The following NCOA3 variants were observed in gnomAD, a reference collection of about 807,000 sequenced individuals.
NCOA3 encodes nuclear receptor coactivator 3.
A neutral mutation model predicts 158.8 loss-of-function variants in NCOA3; 51 were observed. The observed-to-expected ratio is 0.32, with a 90% CI of 0.26 to 0.41. NCOA3 has a LOEUF of 0.41. Ranked by LOEUF, NCOA3 falls within the 10% of genes least tolerant of loss-of-function variation. The pLI, the probability that NCOA3 is intolerant of heterozygous loss-of-function variation, is 1.00. For synonymous variants in NCOA3, 537 were observed against 592.4 expected, an observed-to-expected ratio of 0.91 and a Z score of 1.36; for missense variants, 1,510 against 1,746.6, an observed-to-expected ratio of 0.86 and a Z score of 2.41.
Position 47,543,921 on chromosome 20 carries a change from G to C in NCOA3, c.-98-39262G>C, listed in dbSNP as rs533167016. ...TTACTAGTATTTAAAATAACAAGTT[G>C]GTTTACTAGTATTCTCCTGTGGTAA... On this transcript the variant is annotated intron_variant, in intron 1 of 22. Transcript: ENST00000371998. Among the ~76,000 whole-genome samples the C allele has an allele frequency of 5.3e-5, 8 of 152,008 alleles. No homozygotes were observed. In the East Asian group the frequency reaches 1.5e-3, roughly 29 times the overall value.
chr20:47,557,092 T>C (rs543912760), intron 1 of NCOA3, among the ~76,000 whole-genome samples: 2 of 152,290 alleles, frequency 1.3e-5, no homozygotes, highest in South Asian at 4.1e-4. Context: ...ACATCCTTTT[T>C]CTCCCATCTT....
chr20:47,530,274 T>C (rs569863354), intron 1 of NCOA3, among the ~76,000 whole-genome samples: 2 of 152,318 alleles, frequency 1.3e-5, no homozygotes, highest in South Asian at 2.1e-4. Flanking sequence ...TGAGAAGATA[T>C]ATAATCATCC....
Position 47,640,026 on chromosome 20 carries a change from C to G in NCOA3, c.3055C>G (p.Gln1019Glu). 6.2e-7 allele frequency: 1 copy of G among 1,614,152 alleles called. No individual in the cohort carries two copies. Among genetic ancestry groups the G allele is most frequent in the Non-Finnish European group, 8.5e-7 (1 of 1,180,032 alleles). ...GCCCGATGGCATGTTGTCCATGGAA[C>G]AAGTTTCTCATGGCACTCAAAATAG... ...SWPDGMLSME[Q>E]VSHGTQNRPL... The change falls in exon 16 of 23, where the codon CAA becomes GAA. Residue 1019 changes from glutamine to glutamate, a missense_variant. Gln to Glu is a conservative substitution (Grantham distance 29, BLOSUM62 2). Coordinates refer to ENST00000371998, the MANE Select transcript of NCOA3 (RefSeq NM_181659.3).
intron 1 of NCOA3, among the ~76,000 whole-genome samples, chr20:47,541,083 A>G (rs1185820134): frequency 6.6e-6 from 1 of 151,890 alleles, no homozygotes; most frequent in Non-Finnish European, 1.5e-5. Flanking sequence ...ATTTGCTTCT[A>G]TTGTATCAAG....
rs577597101 is a variant in NCOA3 at position 47,577,820 on chromosome 20, T to C, written c.-98-5363T>C. Among the ~76,000 whole-genome samples, 13 of 152,370 alleles carry C rather than the reference T, an allele frequency of 8.5e-5. 1 individual carries two copies. Among genetic ancestry groups the C allele is most frequent in the Middle Eastern group, 3.4e-3 (1 of 294 alleles). ...CAAGGCGTCTGTTTTCACTGCGTTATTATGAATTTTCAGGCTGATTCCGTA... is the reference window on the plus strand; with the variant it reads ...CAAGGCGTCTGTTTTCACTGCGTTACTATGAATTTTCAGGCTGATTCCGTA... On this transcript the variant is annotated intron_variant, in intron 1 of 22. Transcript: ENST00000371998.
chr20:47,537,407 T>C (rs1325130211), intron 1 of NCOA3, among the ~76,000 whole-genome samples: 1 of 120,242 alleles, frequency 8.3e-6, no homozygotes, highest in Non-Finnish European at 1.6e-5. Context: ...AGAATGTAAC[T>C]CAAACTTTTA....
chr20:47,648,983 T>C (rs1241598072), intron 18 of NCOA3, 22 bp from the exon 19 acceptor site: 3 of 1,534,724 alleles, frequency 2.0e-6, no homozygotes, highest in South Asian at 2.3e-5. Flanking sequence ...GCTTGCATTC[T>C]AACCAACTTG....
chr20:47,531,336 A>G (rs536853624), intron 1 of NCOA3, among the ~76,000 whole-genome samples: 70 of 124,170 alleles, frequency 5.6e-4, no homozygotes, highest in African/African-American at 2.0e-3. Flanking sequence ...GAGCGAGACT[A>G]TCTCAAACAA....
Position 47,647,295 on chromosome 20 carries a change from A to G in NCOA3, c.3475A>G (p.Ile1159Val), listed in dbSNP as rs779130619. Residue 1159 changes from isoleucine (I) to valine (V), a missense_variant, in exon 18 of 23, where the codon ATC (isoleucine) becomes GTC (valine). Coordinates refer to ENST00000371998, the MANE Select transcript of NCOA3 (RefSeq NM_181659.3). ...CCAAGGAATGCACCCACGAGCCAAC[A>G]TCATGAGACCCCGGACAAACACCCC... Reference protein sequence around the residue: ...PLQGMHPRANIMRPRTNTPKQ... With the variant: ...PLQGMHPRANVMRPRTNTPKQ... 1 of 1,614,214 alleles carries G rather than the reference A, an allele frequency of 6.2e-7. No individual in the cohort carries two copies. The highest frequency in any genetic ancestry group is 8.5e-7 in the Non-Finnish European group (1 of 1,180,032).
chr20:47,565,643 G>T (rs1372180603), intron 1 of NCOA3, among the ~76,000 whole-genome samples: 1 of 152,140 alleles, frequency 6.6e-6, no homozygotes, highest in African/African-American at 2.4e-5. Context: ...TTCACCCTGG[G>T]AGGCAGAGGT....
rs1408119960 is a variant in NCOA3, at chr20:47,655,854, A to G, written c.*2437A>G. On this transcript the variant is annotated 3_prime_UTR_variant, in exon 23 of 23. Coordinates refer to ENST00000371998, the MANE Select transcript of NCOA3 (RefSeq NM_181659.3). Reference sequence around the variant, plus strand: ...TGGAAGGCAGCACTCCCTTTTTTATATAGTAGAAAAATGAAGTTTATTATA... The same window carrying G: ...TGGAAGGCAGCACTCCCTTTTTTATGTAGTAGAAAAATGAAGTTTATTATA... 1.3e-5 allele frequency: 2 copies of G among 152,488 alleles called. No individual in the cohort carries two copies. The highest frequency in any genetic ancestry group is 2.4e-5 in the African/African-American group (1 of 41,434). 9.4% of individuals were successfully genotyped at this position (152,488 alleles called of 1,614,324 possible). A position where few individuals can be genotyped will look rare whatever the true frequency, so the allele number is the denominator to read the frequency against.
In NCOA3 at chr20:47,552,281, A is replaced by G. The variant is rs370202208; in HGVS notation, c.-98-30902A>G. 1.6e-4 allele frequency among the ~76,000 whole-genome samples: 24 copies of G among 152,338 alleles called. No individual in the cohort carries two copies. In the Middle Eastern group the frequency reaches 0.01, roughly 65 times the overall value. ...ACCTGCCAGATTAGAAGGCCAATGGAAAATCTATAAATTAGCCATAGCCCA... is the reference window on the plus strand; with the variant it reads ...ACCTGCCAGATTAGAAGGCCAATGGGAAATCTATAAATTAGCCATAGCCCA... On this transcript the variant is annotated intron_variant, in intron 1 of 22. Coordinates refer to ENST00000371998, the MANE Select transcript of NCOA3 (RefSeq NM_181659.3).
intron 2 of NCOA3, among the ~76,000 whole-genome samples, chr20:47,610,324 A>G (rs1346700972): frequency 6.6e-6 from 1 of 152,080 alleles, no homozygotes; most frequent in Non-Finnish European, 1.5e-5. Flanking sequence ...GGCTCAAGTG[A>G]TCCTCTTACC....
intron 1 of NCOA3, among the ~76,000 whole-genome samples, chr20:47,503,272 A>T (rs1272358768): frequency 1.3e-5 from 2 of 152,220 alleles, no homozygotes; most frequent in South Asian, 4.1e-4. Flanking sequence ...AGGAATAAAA[A>T]TCTTAGGTCT....
At chr20:47,507,423 T>G (rs555668452) in intron 1 of NCOA3, among the ~76,000 whole-genome samples, 2 of 152,224 alleles carry the variant, frequency 1.3e-5, no homozygotes, top group South Asian at 4.1e-4. Context: ...ATGTTTTGAG[T>G]AGCTCTTGGT....
chr20:47,584,905 T>G (rs948782611), intron 2 of NCOA3, among the ~76,000 whole-genome samples: 1 of 152,122 alleles, frequency 6.6e-6, no homozygotes, highest in African/African-American at 2.4e-5. Flanking sequence ...AAATTCCCCC[T>G]CCTTATGTGT....
At chr20:47,606,291 A>G (rs1475250781) in intron 2 of NCOA3, among the ~76,000 whole-genome samples, 2 of 152,226 alleles carry the variant, frequency 1.3e-5, no homozygotes, top group African/African-American at 2.4e-5. Flanking sequence ...TAAGGGTTCT[A>G]CATGGTTAAG....
chr20:47,639,061 G>C lies in NCOA3; in HGVS notation c.2566G>C (p.Val856Leu). 1 of 1,614,196 alleles carries C rather than the reference G, an allele frequency of 6.2e-7. No individual in the cohort carries two copies. ...QSIRPPYNRA[V>L]SLDSPVSVGS... ...TATTCGTCCTCCATATAACCGAGCA[G>C]TGTCTCTGGATAGCCCTGTTTCTGT... Residue 856 changes from valine (V) to leucine (L), a missense_variant, in exon 14 of 23, where the codon GTG becomes CTG. This residue lies in a region of NCOA3 where 1,017 missense variants were observed against 1,098.3 expected (regional missense o/e 0.93). Transcript: ENST00000371998.
chr20:47,600,494 G>A (rs1339882115), intron 2 of NCOA3, among the ~76,000 whole-genome samples: 1 of 149,534 alleles, frequency 6.7e-6, no homozygotes, highest in African/African-American at 2.4e-5. Flanking sequence ...AATTTTAAAA[G>A]CTTAAATGTG....
Sources: gnomAD v4.1 joint callset for allele counts (sites outside exome capture counted in the v4.1 genomes callset) on GRCh38, gnomAD v4.1.1 for gene constraint, gnomAD v4.1.1 regional missense constraint, MANE v1.5 for transcripts, NCBI Gene and HGNC (gene_info 2026-07-23, HGNC 2026-07-21) for gene names.